The following CCSER1 variants were observed in gnomAD, a reference collection of about 807,000 sequenced individuals.
The protein encoded by CCSER1 is serine-rich coiled-coil domain-containing protein 1.
In CCSER1, 41 loss-of-function variants were observed where a neutral mutation model predicts 82.0. The observed-to-expected ratio is 0.50, with a 90% CI of 0.39 to 0.65. The LOEUF (loss-of-function observed/expected upper bound fraction) is 0.65, where lower values mean the gene tolerates loss of function less well. CCSER1 is among the 30% of genes least tolerant of loss of function. CCSER1 has a pLI of 0.00. For synonymous variants in CCSER1, 414 were observed against 383.9 expected (o/e 1.08, Z -0.92); for missense variants, 1,119 against 1,064.2 (o/e 1.05, Z -0.72).
chr4:90,620,833 G>A (rs1722181835), intron 5 of CCSER1, among the ~76,000 whole-genome samples: 1 of 151,554 alleles, frequency 6.6e-6, no homozygotes, highest in Non-Finnish European at 1.5e-5. Flanking sequence ...TTTTTTAAAC[G>A]GAGTCTCACA....
intron 5 of CCSER1, among the ~76,000 whole-genome samples, chr4:90,471,970 G>A (rs980547304): frequency 6.7e-6 from 1 of 150,358 alleles, no homozygotes; most frequent in African/African-American, 2.5e-5. Context: ...AGAGCAAAAC[G>A]CCATCTCAAA....
chr4:90,284,275 T>C (rs1729425909), intron 1 of CCSER1, among the ~76,000 whole-genome samples: 1 of 152,160 alleles, frequency 6.6e-6, no homozygotes, highest in East Asian at 1.9e-4. Flanking sequence ...ATGTGGGTTG[T>C]CCCTTCACTT....
intron 3 of CCSER1, among the ~76,000 whole-genome samples, chr4:90,368,177 A>C (rs943308310): frequency 1.3e-5 from 2 of 151,954 alleles, no homozygotes; most frequent in African/African-American, 4.8e-5. Flanking sequence ...GTGATCTGAG[A>C]GTTTATAAAT....
chr4:90,982,481 C>T (rs917344313), intron 9 of CCSER1, among the ~76,000 whole-genome samples: 4 of 151,724 alleles, frequency 2.6e-5, no homozygotes, highest in African/African-American at 9.7e-5. Context: ...TTACTTCTCA[C>T]TTGTAATTTG....
At chr4:90,267,453 G>C (rs986884360) in intron 1 of CCSER1, among the ~76,000 whole-genome samples, 1 of 152,126 alleles carries the variant, frequency 6.6e-6, no homozygotes, top group Non-Finnish European at 1.5e-5. Flanking sequence ...ATCTGGCTGG[G>C]TTCGCTACCT....
intron 5 of CCSER1, among the ~76,000 whole-genome samples, chr4:90,621,341 A>G (rs2148879125): frequency 6.6e-6 from 1 of 152,264 alleles, no homozygotes; most frequent in South Asian, 2.1e-4. Flanking sequence ...CAAATTAAGA[A>G]GTTTTGTTTT....
chr4:90,831,312 A>T (rs1275000710), intron 8 of CCSER1, among the ~76,000 whole-genome samples: 3 of 152,178 alleles, frequency 2.0e-5, no homozygotes, highest in Admixed American at 2.0e-4. Context: ...TACTGTATTC[A>T]TTATTTTCTA....
chr4:91,040,626 A>T (rs1339845204), intron 9 of CCSER1, among the ~76,000 whole-genome samples: 2 of 152,170 alleles, frequency 1.3e-5, no homozygotes, highest in Admixed American at 6.5e-5. Context: ...GTTGAGGCTC[A>T]TCAGTGGGAT....
In CCSER1 at chr4:90,172,762, T is replaced by C. The variant is rs186961138; in HGVS notation, c.-42+44931T>C. On this transcript the variant is annotated intron_variant, in intron 1 of 10. Coordinates refer to ENST00000509176, the MANE Select transcript of CCSER1 (RefSeq NM_001145065.2). ...ACAATATTGCATGCAACCTTGAAAG[T>C]CATGCGTACTAGCTACGTTTGAAAT... Among the ~76,000 whole-genome samples, 247 of 151,948 alleles carry C rather than the reference T, an allele frequency of 1.6e-3. 3 individuals are homozygous for C. The highest frequency in any genetic ancestry group is 5.3e-4 in the Non-Finnish European group (36 of 67,874).
At chr4:90,202,324 T>G (rs1236330088) in intron 1 of CCSER1, among the ~76,000 whole-genome samples, 1 of 151,926 alleles carries the variant, frequency 6.6e-6, no homozygotes, top group Non-Finnish European at 1.5e-5. Flanking sequence ...TGCCTCAGCC[T>G]CCTGAATAGC....
intron 10 of CCSER1, among the ~76,000 whole-genome samples, chr4:91,209,866 C>G (rs897735347): frequency 1.3e-5 from 2 of 151,650 alleles, no homozygotes; most frequent in Admixed American, 6.6e-5. Flanking sequence ...TACAAATACA[C>G]ATACCTACAT....
intron 6 of CCSER1, among the ~76,000 whole-genome samples, chr4:90,682,526 C>A (rs531415489): frequency 4.0e-5 from 6 of 151,882 alleles, no homozygotes; most frequent in African/African-American, 1.4e-4. Flanking sequence ...TCAGTGGTTT[C>A]ATATAACAAA....
At chr4:91,355,509 T>C (rs750110130) in intron 10 of CCSER1, among the ~76,000 whole-genome samples, 1 of 152,158 alleles carries the variant, frequency 6.6e-6, no homozygotes, top group Non-Finnish European at 1.5e-5. Flanking sequence ...AGAGTCCTGG[T>C]ACACTTATAA....
intron 1 of CCSER1, among the ~76,000 whole-genome samples, chr4:90,130,154 TA>T (rs1722565060): frequency 6.6e-6 from 1 of 152,228 alleles, no homozygotes; most frequent in Non-Finnish European, 1.5e-5. Context: ...TTACTCATCA[TA>T]ATGCTCATAA....
intron 3 of CCSER1, among the ~76,000 whole-genome samples, chr4:90,391,272 C>CAAAAAAAAA (rs1215360899): frequency 1.1e-4 from 4 of 34,954 alleles, no homozygotes; most frequent in Admixed American, 3.0e-4. Context: ...GACTCTGTCT[C>CAAAAAAAAA]AAAAAAAAAA....
intron 1 of CCSER1, among the ~76,000 whole-genome samples, chr4:90,236,977 A>AG (rs1298326036): frequency 1.3e-5 from 2 of 152,306 alleles, no homozygotes; most frequent in East Asian, 3.9e-4. Context: ...TTCATAAAAA[A>AG]CAAACCAGTG....
At chr4:91,028,649 C>T (rs1740701786) in intron 9 of CCSER1, among the ~76,000 whole-genome samples, 1 of 151,496 alleles carries the variant, frequency 6.6e-6, no homozygotes, top group South Asian at 2.1e-4. Context: ...CACTAATGAA[C>T]AAAAGTAATC....
intron 4 of CCSER1, among the ~76,000 whole-genome samples, chr4:90,447,507 GCTGT>G (rs1370687993): frequency 6.6e-6 from 1 of 152,116 alleles, no homozygotes; most frequent in Non-Finnish European, 1.5e-5. Flanking sequence ...CAAGAATATG[GCTGT>G]CTAAATATGG....
At position 90,223,589 on chromosome 4, in the gene CCSER1, A is replaced by T. The variant is rs117022008; in HGVS notation, c.-41-84655A>T. 9.7e-4 allele frequency among the ~76,000 whole-genome samples: 147 copies of T among 152,330 alleles called. 2 individuals carry two copies. The highest frequency in any genetic ancestry group is 2.3e-3 in the East Asian group (12 of 5,182). ...CTCAAGGGTGTCCCAAGTGAGAGACAGAGGTAGATTTGGCATCAGAATGTC... is the reference window on the plus strand; with the variant it reads ...CTCAAGGGTGTCCCAAGTGAGAGACTGAGGTAGATTTGGCATCAGAATGTC... On this transcript the variant is annotated intron_variant, in intron 1 of 10. Transcript: ENST00000509176.
Sources: gnomAD v4.1 joint callset for allele counts (sites outside exome capture counted in the v4.1 genomes callset) on GRCh38, gnomAD v4.1.1 for gene constraint, MANE v1.5 for transcripts, NCBI Gene and HGNC (gene_info 2026-07-23, HGNC 2026-07-21) for gene names.